HYDIN: variants seen among roughly 807,000 people sequenced by gnomAD.
HYDIN encodes HYDIN axonemal central pair apparatus protein.
A neutral mutation model predicts 403.9 loss-of-function variants in HYDIN; 132 were observed. The observed-to-expected ratio is 0.33, with a 90% CI of 0.28 to 0.38. The LOEUF is 0.38. HYDIN is among the 10% of genes least tolerant of loss of function. The pLI, the probability that HYDIN is intolerant of heterozygous loss-of-function variation, is 1.00. For missense variants in HYDIN, 2,827 were observed against 5,009.5 expected, an observed-to-expected ratio of 0.56 and a Z score of 13.15; for synonymous variants, 1,202 against 1,891.7, an observed-to-expected ratio of 0.64 and a Z score of 9.46.
chr16:71,020,398 T>C (rs1408797767), intron 21 of HYDIN, 81 bp from the exon 22 acceptor site: 1 of 1,503,478 alleles, frequency 6.7e-7, no homozygotes, highest in Admixed American at 2.1e-5. Context: ...AGGTTCATTG[T>C]TTAGAACAAA....
intron 27 of HYDIN, among the ~76,000 whole-genome samples, chr16:70,986,478 G>A (rs1355641152): frequency 6.6e-6 from 1 of 152,212 alleles, no homozygotes; most frequent in Non-Finnish European, 1.5e-5. Flanking sequence ...GGTCTCAGTA[G>A]GTGCTGGGTG....
At chr16:70,981,115 T>TG (rs1420495674) in intron 29 of HYDIN, among the ~76,000 whole-genome samples, 1 of 151,852 alleles carries the variant, frequency 6.6e-6, no homozygotes, top group Non-Finnish European at 1.5e-5. Context: ...GGAAAGTGCA[T>TG]GGGGGAGGAA....
intron 1 of HYDIN, among the ~76,000 whole-genome samples, chr16:71,217,707 G>A (rs1009491967): frequency 6.6e-6 from 1 of 152,144 alleles, no homozygotes; most frequent in Admixed American, 6.5e-5. Flanking sequence ...GGGCACAAAA[G>A]CCTGTACCTA....
rs1295487843 is a variant in HYDIN at position 70,850,530 on chromosome 16, T to A, written c.12569A>T (p.Asn4190Ile). Residue 4190 changes from asparagine (N) to isoleucine (I), a missense_variant, in exon 74 of 86, where the codon AAT (asparagine) becomes ATT (isoleucine). Coordinates refer to ENST00000393567, the MANE Select transcript of HYDIN (RefSeq NM_001270974.2). ...CCTGTCCTTGCACTTGATCTCCACA[T>A]TCATAGTGTAGCCCTCGGCCTTGAC... ...LNVKAEGYTM[N>I]VEIKCKDRTG... 6.2e-7 allele frequency: 1 copy of A among 1,609,906 alleles called. No homozygotes were observed. The highest frequency in any genetic ancestry group is 8.5e-7 in the Non-Finnish European group (1 of 1,178,056).
chr16:70,940,901 TC>T (rs2077651151), intron 43 of HYDIN, among the ~76,000 whole-genome samples: 2 of 152,230 alleles, frequency 1.3e-5, no homozygotes, highest in African/African-American at 4.8e-5. Context: ...GGGCTCTGAC[TC>T]CCGTAGACAG....
intron 83 of HYDIN, among the ~76,000 whole-genome samples, chr16:70,824,202 G>T: frequency 1.4e-5 from 2 of 144,824 alleles, no homozygotes; most frequent in African/African-American, 2.5e-5. Flanking sequence ...CTGGTGATTT[G>T]GGTTCACTCT....
chr16:71,192,215 C>A (rs907641729), intron 1 of HYDIN, among the ~76,000 whole-genome samples: 4 of 152,116 alleles, frequency 2.6e-5, no homozygotes, highest in Admixed American at 2.6e-4. Flanking sequence ...GACTCTACCT[C>A]CTTAGTATCT....
At chr16:70,909,953 A>AT (rs2076648628) in intron 47 of HYDIN, among the ~76,000 whole-genome samples, 1 of 149,586 alleles carries the variant, frequency 6.7e-6, no homozygotes, top group African/African-American at 2.5e-5. Context: ...CAGCCTCCCA[A>AT]AGTGCTGGGA....
At chr16:71,145,026 T>C (rs1388544515) in intron 7 of HYDIN, among the ~76,000 whole-genome samples, 2 of 151,622 alleles carry the variant, frequency 1.3e-5, no homozygotes, top group South Asian at 4.2e-4. Context: ...TCATGATTAA[T>C]TGTGTTTAGG....
At chr16:70,939,510 T>C (rs2077603887) in intron 43 of HYDIN, among the ~76,000 whole-genome samples, 1 of 152,144 alleles carries the variant, frequency 6.6e-6, no homozygotes, top group Non-Finnish European at 1.5e-5. Context: ...ACTATTACAT[T>C]AAAATCTCAT....
intron 5 of HYDIN, among the ~76,000 whole-genome samples, chr16:71,165,774 A>G (rs1270978260): frequency 6.6e-6 from 1 of 151,534 alleles, no homozygotes; most frequent in Non-Finnish European, 1.5e-5. Flanking sequence ...CTCTATGAGG[A>G]GGTGACACTT....
chr16:71,051,313 T>C (rs1163799314), intron 18 of HYDIN, among the ~76,000 whole-genome samples: 10 of 152,200 alleles, frequency 6.6e-5, no homozygotes, highest in East Asian at 3.9e-4. Flanking sequence ...TAATGTGACA[T>C]AGGCGTTTAC....
At chr16:70,942,534 GT>G (rs1436756071) in intron 42 of HYDIN, among the ~76,000 whole-genome samples, 2 of 152,240 alleles carry the variant, frequency 1.3e-5, no homozygotes, top group Admixed American at 1.3e-4. Context: ...GCCTTGGAGC[GT>G]AATGATTTTG....
At chr16:71,046,925 C>T (rs1454700763) in intron 18 of HYDIN, among the ~76,000 whole-genome samples, 18 of 151,798 alleles carry the variant, frequency 1.2e-4, no homozygotes, top group Admixed American at 1.1e-3. Context: ...GGACATAAAT[C>T]GAGTTGATGA....
chr16:70,917,429 C>T (rs778207295), intron 47 of HYDIN, among the ~76,000 whole-genome samples: 54 of 152,082 alleles, frequency 3.6e-4, no homozygotes, highest in Non-Finnish European at 6.9e-4. Context: ...GGTGAAGTTA[C>T]GAGCTCTCTT....
chr16:71,014,424 G>C (rs1456404994), intron 23 of HYDIN, among the ~76,000 whole-genome samples: 1 of 149,588 alleles, frequency 6.7e-6, no homozygotes, highest in Non-Finnish European at 1.5e-5. Flanking sequence ...GTCAGTTTTT[G>C]TTTGGTGACC....
Position 70,809,802 on chromosome 16 carries a change from C to T in HYDIN, c.14864G>A (p.Arg4955Lys). The T allele has an allele frequency of 6.2e-7, 1 of 1,613,890 alleles. No homozygotes were observed. ...ACTCACCCTGCAGTAGTATTCTGTC[C>T]TCTGCCGTGTGTAATTGATGAACTT... ...LVKFINYTRQRTEYYCRTDCT... is the reference protein window; with the variant it reads ...LVKFINYTRQKTEYYCRTDCT... The change falls in exon 85 of 86, where the codon AGG becomes AAG. Residue 4955 changes from arginine (R) to lysine (K), a missense_variant. Physicochemically the swap from Arg to Lys is conservative, Grantham distance 26. Transcript: ENST00000393567.
intron 54 of HYDIN, among the ~76,000 whole-genome samples, chr16:70,895,769 C>A (rs1051555695): frequency 6.6e-6 from 1 of 152,012 alleles, no homozygotes; most frequent in East Asian, 1.9e-4. Context: ...AATTTTACAC[C>A]TATGACCACC....
Position 71,230,641 on chromosome 16 carries a change from C to T in HYDIN, c.-103G>A, listed in dbSNP as rs2041242631. The T allele has an allele frequency of 6.5e-7, 1 of 1,535,972 alleles. No homozygotes were observed. Among genetic ancestry groups the T allele is most frequent in the Non-Finnish European group, 8.7e-7 (1 of 1,146,870 alleles). On this transcript the variant is annotated 5_prime_UTR_variant, in exon 1 of 86. Coordinates refer to ENST00000393567, the MANE Select transcript of HYDIN (RefSeq NM_001270974.2). ...CGCGTCCAACTCACAGACCCCGCCG[C>T]CGCTGAGGGGCTCCATACCCAGCTT...
Sources: allele counts gnomAD v4.1 joint callset (sites outside exome capture counted in the v4.1 genomes callset), GRCh38; gene constraint gnomAD v4.1.1; transcripts MANE v1.5; gene names NCBI Gene and HGNC (gene_info 2026-07-23, HGNC 2026-07-21).